Variants in KIAA1549 observed in about 807,000 individuals in gnomAD.
KIAA1549 encodes UPF0606 protein KIAA1549.
A neutral mutation model predicts 156.4 loss-of-function variants in KIAA1549; 70 were observed. The ratio of observed to expected loss-of-function variants is 0.45; its 90% CI spans 0.37 to 0.55. The LOEUF (loss-of-function observed/expected upper bound fraction) is 0.55. KIAA1549 is among the 20% of genes least tolerant of loss of function. KIAA1549 has a pLI of 0.00. For missense variants in KIAA1549, 2,428 were observed against 2,540.9 expected (o/e 0.96, Z 0.96); for synonymous variants, 1,103 against 1,066.4 (o/e 1.03, Z -0.67).
At chr7:138,961,285 T>G (rs1436698916) in intron 1 of KIAA1549, among the ~76,000 whole-genome samples, 1 of 152,210 alleles carries the variant, frequency 6.6e-6, no homozygotes, top group African/African-American at 2.4e-5. Flanking sequence ...CAGGAGATCT[T>G]GGCGTTCTTC....
chr7:138,901,075 G>C (rs1431278743), intron 8 of KIAA1549, among the ~76,000 whole-genome samples: 1 of 152,062 alleles, frequency 6.6e-6, no homozygotes, highest in Non-Finnish European at 1.5e-5. Context: ...CATCACTTTG[G>C]TTAACATTTT....
In KIAA1549 at chr7:138,948,926, A is replaced by G. The variant is rs141384433; in HGVS notation, c.188-29488T>C. Among the ~76,000 whole-genome samples, 1,132 of 151,996 alleles carry G rather than the reference A, an allele frequency of 7.4e-3. 15 individuals carry two copies. Among genetic ancestry groups the G allele is most frequent in the African/African-American group, 0.026 (1,090 of 41,454 alleles). ...TCCATGTTGGTCAGGGCTGGTCTCA[A>G]ACTCGCAACCTCAGGTGATCCACCC... On this transcript the variant is annotated intron_variant, in intron 1 of 19. Transcript: ENST00000422774.
chr7:138,920,869 T>C (rs2130487254), intron 1 of KIAA1549, among the ~76,000 whole-genome samples: 1 of 152,378 alleles, frequency 6.6e-6, no homozygotes. Flanking sequence ...TCTAGCAACA[T>C]GGCAGACTAG....
At chr7:138,913,117 A>T (rs1459837056) in intron 2 of KIAA1549, among the ~76,000 whole-genome samples, 1 of 152,108 alleles carries the variant, frequency 6.6e-6, no homozygotes, top group Non-Finnish European at 1.5e-5. Context: ...CTTGTGACCC[A>T]CCTGCCTCAG....
intron 19 of KIAA1549, among the ~76,000 whole-genome samples, chr7:138,839,158 T>TGA: frequency 1.3e-5 from 2 of 152,314 alleles, no homozygotes; most frequent in Middle Eastern, 6.8e-3. Context: ...CACCTTATTC[T>TGA]AAAGTTAATG....
chr7:138,965,486 C>T (rs979744768), intron 1 of KIAA1549, among the ~76,000 whole-genome samples: 2 of 152,122 alleles, frequency 1.3e-5, no homozygotes, highest in Non-Finnish European at 2.9e-5. Flanking sequence ...CCACCACGCC[C>T]GGCAACGTTT....
Position 138,919,339 on chromosome 7 carries a change from T to C in KIAA1549, c.287A>G (p.Glu96Gly). 2.5e-6 allele frequency: 4 copies of C among 1,614,028 alleles called. No homozygotes were observed. Among genetic ancestry groups the C allele is most frequent in the Non-Finnish European group, 3.4e-6 (4 of 1,179,892 alleles). The change falls in exon 2 of 20, where the codon GAA becomes GGA. Residue 96 changes from glutamate to glycine, a missense_variant. Physicochemically the swap from Glu to Gly is moderately conservative, Grantham distance 98. This residue lies in a region of KIAA1549 where 893 missense variants were observed against 847.9 expected (regional missense o/e 1.05). Coordinates refer to ENST00000422774, the MANE Select transcript of KIAA1549 (RefSeq NM_001164665.2). ...GHSAAQVALTETAPGSQHSSP... is the reference protein window; with the variant it reads ...GHSAAQVALTGTAPGSQHSSP... ...GCTGTGCTGGGAGCCGGGAGCAGTT[T>C]CTGTTAAGGCCACTTGTGCAGCGCT... is the stretch of plus-strand genomic sequence containing the variant.
intron 9 of KIAA1549, among the ~76,000 whole-genome samples, chr7:138,894,957 T>C (rs1344725217): frequency 6.6e-6 from 1 of 152,150 alleles, no homozygotes; most frequent in Non-Finnish European, 1.5e-5. Flanking sequence ...GCCCGCTCCA[T>C]CAAGTACCGC....
At chr7:138,877,142 C>T (rs1324794635) in intron 12 of KIAA1549, among the ~76,000 whole-genome samples, 1 of 152,168 alleles carries the variant, frequency 6.6e-6, no homozygotes, top group Non-Finnish European at 1.5e-5. Context: ...TCCCCGCTCC[C>T]CACCTCCATT....
intron 4 of KIAA1549, among the ~76,000 whole-genome samples, chr7:138,909,947 C>CA (rs200338251): frequency 7.3e-5 from 11 of 150,402 alleles, no homozygotes; most frequent in Non-Finnish European, 1.5e-4. Context: ...ACTCCAGCTC[C>CA]AAAAAAAAGA....
At chr7:138,859,952 G>T (rs1315722330) in intron 16 of KIAA1549, among the ~76,000 whole-genome samples, 2 of 152,176 alleles carry the variant, frequency 1.3e-5, no homozygotes, top group African/African-American at 4.8e-5. Flanking sequence ...ATTTTGTCCA[G>T]AAAAATCCAT....
At chr7:138,967,705 AC>A (rs1434801162) in intron 1 of KIAA1549, among the ~76,000 whole-genome samples, 1 of 152,008 alleles carries the variant, frequency 6.6e-6, no homozygotes. Flanking sequence ...AGAAAAAAAA[AC>A]ACTCAATAGT....
intron 16 of KIAA1549, among the ~76,000 whole-genome samples, chr7:138,858,384 C>G (rs558058159): frequency 1.9e-4 from 29 of 152,318 alleles, no homozygotes; most frequent in African/African-American, 6.0e-4. Flanking sequence ...GTGTGAGCCA[C>G]CACATACAGC....
Position 138,907,084 on chromosome 7 carries a change from T to C in KIAA1549, c.3295A>G (p.Ser1099Gly), listed in dbSNP as rs754191531. The C allele has an allele frequency of 6.3e-7, 1 of 1,594,176 alleles. No individual in the cohort carries two copies. The highest frequency in any genetic ancestry group is 2.2e-5 in the East Asian group (1 of 44,454). The change falls in exon 6 of 20, where the codon AGT becomes GGT. Residue 1099 changes from serine (S) to glycine (G), a missense_variant. By Grantham distance (56) the Ser-to-Gly change is moderately conservative. This residue lies in a region of KIAA1549 where 762 missense variants were observed against 901.6 expected (regional missense o/e 0.85). Transcript: ENST00000422774. ...CGCCGAGGAGTCACCCTTGAGGAAC[T>C]GATGGTGATATTCAAGATCTGAAAG... ...LTVQILNITI[S>G]SSRVTPRRGP...
intron 1 of KIAA1549, among the ~76,000 whole-genome samples, chr7:138,957,555 G>A (rs1461358673): frequency 6.6e-6 from 1 of 150,500 alleles, no homozygotes; most frequent in African/African-American, 2.4e-5. Context: ...TCAGCTCACT[G>A]CAACCTCTGC....
At chr7:138,893,788 C>T (rs760500567) in intron 10 of KIAA1549, among the ~76,000 whole-genome samples, 13 of 152,186 alleles carry the variant, frequency 8.5e-5, no homozygotes, top group African/African-American at 1.2e-4. Flanking sequence ...AATCAGAATT[C>T]GGCCTGGTGC....
chr7:138,839,560 T>C (rs760060098), intron 19 of KIAA1549, among the ~76,000 whole-genome samples: 3 of 152,110 alleles, frequency 2.0e-5, no homozygotes, highest in South Asian at 2.1e-4. Flanking sequence ...CCGCCAAACA[T>C]GAACTCCAGA....
intron 15 of KIAA1549, among the ~76,000 whole-genome samples, chr7:138,863,645 A>C (rs1355427537): frequency 1.3e-5 from 2 of 152,126 alleles, no homozygotes; most frequent in African/African-American, 4.8e-5. Flanking sequence ...CAGAGTCTGA[A>C]GCTCTGGCAT....
At chr7:138,891,655 G>T (rs148899350) in intron 10 of KIAA1549, among the ~76,000 whole-genome samples, 17 of 152,276 alleles carry the variant, frequency 1.1e-4, no homozygotes, top group Middle Eastern at 3.4e-3. Flanking sequence ...GCAGATTTTA[G>T]GTCAGCAGAT....
Sources: gnomAD v4.1 joint callset for allele counts (sites outside exome capture counted in the v4.1 genomes callset) on GRCh38, gnomAD v4.1.1 for gene constraint, gnomAD v4.1.1 regional missense constraint, MANE v1.5 for transcripts, NCBI Gene and HGNC (gene_info 2026-07-23, HGNC 2026-07-21) for gene names.